Variants in MARK3 observed in about 807,000 individuals in gnomAD.
MARK3 encodes MAP/microtubule affinity-regulating kinase 3.
In MARK3, 46 loss-of-function variants were observed where a neutral mutation model predicts 90.1. That is an observed-to-expected ratio of 0.51 (90% CI 0.40 to 0.65). The LOEUF is 0.65. MARK3 is among the 30% of genes least tolerant of loss of function. MARK3 has a pLI of 0.00. For missense variants in MARK3, 818 were observed against 947.2 expected (o/e 0.86, Z 1.79); for synonymous variants, 321 against 332.6 (o/e 0.97, Z 0.38).
intron 2 of MARK3, among the ~76,000 whole-genome samples, chr14:103,420,682 A>AT (rs936613069): frequency 7.4e-4 from 112 of 152,234 alleles, no homozygotes; most frequent in Non-Finnish European, 1.3e-3. Flanking sequence ...GTTAATACTC[A>AT]TTTTTTTGTG....
intron 2 of MARK3, among the ~76,000 whole-genome samples, chr14:103,407,522 TATACTC>T (rs901863609): frequency 1.3e-5 from 2 of 150,302 alleles, no homozygotes; most frequent in Non-Finnish European, 3.0e-5. Flanking sequence ...CTCCTCTTGT[TATACTC>T]ATATGGTACA....
chr14:103,418,219 C>CTTTTTTTT (rs36012703), intron 2 of MARK3, among the ~76,000 whole-genome samples: 3 of 61,664 alleles, frequency 4.9e-5, no homozygotes, highest in African/African-American at 1.2e-4. Flanking sequence ...ATAGTAAAGG[C>CTTTTTTTT]TTTTTTTTTT....
At chr14:103,399,404 G>T (rs2090794076) in intron 1 of MARK3, among the ~76,000 whole-genome samples, 1 of 152,108 alleles carries the variant, frequency 6.6e-6, no homozygotes, top group Non-Finnish European at 1.5e-5. Flanking sequence ...TAGGGGGTTT[G>T]TTTTTCTCCA....
rs754613850 is a variant in MARK3, at chr14:103,405,124, C to T, written c.100C>T (p.Arg34Cys). Residue 34 changes from arginine to cysteine, a missense_variant, in exon 2 of 18, where the codon CGC becomes TGC. Around this residue, in one of 3 missense-constraint regions of MARK3, gnomAD observed 157 missense variants for 158.7 expected, o/e 0.99. Coordinates refer to ENST00000429436, the MANE Select transcript of MARK3 (RefSeq NM_001128918.3). The part of the protein sequence containing the change: ...GRQEVTSRTS[R>C]SGARCRNSIA... Reference sequence around the variant, plus strand: ...TCAAGAAGTTACCTCTCGTACCAGCCGCTCAGGAGCTCGGTGTAGAAACTC... The same window carrying T: ...TCAAGAAGTTACCTCTCGTACCAGCTGCTCAGGAGCTCGGTGTAGAAACTC... The T allele has an allele frequency of 7.4e-6, 12 of 1,613,878 alleles. No individual in the cohort carries two copies. The highest frequency in any genetic ancestry group is 2.2e-5 in the South Asian group (2 of 91,070).
At position 103,462,292 on chromosome 14, in the gene MARK3, G is replaced by A. The variant is rs887214452; in HGVS notation, c.484-113G>A. ...GAAAATTGTTTTTAGAAATCCACAC[G>A]GACATTCGAGCGTATACTGAGTATT... On this transcript the variant is annotated intron_variant, in intron 6 of 17. Coordinates refer to ENST00000429436, the MANE Select transcript of MARK3 (RefSeq NM_001128918.3). 7.0e-5 allele frequency: 46 copies of A among 655,818 alleles called. No homozygotes were observed. The East Asian group carries it at 1.2e-3, about 18-fold the overall frequency. 40.6% of individuals were successfully genotyped at this position (655,818 alleles called of 1,614,324 possible).
chr14:103,471,427 G>GA (rs1693701737), intron 12 of MARK3, among the ~76,000 whole-genome samples: 1 of 152,196 alleles, frequency 6.6e-6, no homozygotes, highest in Non-Finnish European at 1.5e-5. Flanking sequence ...TAGTAAATGA[G>GA]AAACACCTGG....
intron 1 of MARK3, among the ~76,000 whole-genome samples, chr14:103,393,840 A>G (rs1033667037): frequency 6.6e-5 from 10 of 151,602 alleles, no homozygotes; most frequent in South Asian, 4.2e-4. Context: ...GCTCACTGCA[A>G]CCTCCGCCTG....
chr14:103,458,427 T>G (rs1301367907), intron 6 of MARK3, among the ~76,000 whole-genome samples: 1 of 118,752 alleles, frequency 8.4e-6, no homozygotes, highest in African/African-American at 3.2e-5. Context: ...CCATTGCACT[T>G]CAGCCTGGGT....
intron 14 of MARK3, among the ~76,000 whole-genome samples, 167 bp downstream of exon 14, chr14:103,480,657 A>G (rs1239191798): frequency 2.0e-5 from 3 of 152,204 alleles, no homozygotes; most frequent in Non-Finnish European, 4.4e-5. Flanking sequence ...TAGAATTCTA[A>G]ATTCTTTTTG....
chr14:103,437,114 A>T (rs904161014), intron 3 of MARK3, among the ~76,000 whole-genome samples: 3 of 152,004 alleles, frequency 2.0e-5, no homozygotes, highest in African/African-American at 7.2e-5. Flanking sequence ...AATTGAGAAT[A>T]AAACTGTATA....
rs117078316 is a variant in MARK3 at position 103,479,020 on chromosome 14, C to T, written c.1483-1367C>T. 1.0e-3 allele frequency among the ~76,000 whole-genome samples: 157 copies of T among 152,128 alleles called. 5 individuals are homozygous for T. In the East Asian group the frequency reaches 0.026, roughly 25 times the overall value. On this transcript the variant is annotated intron_variant, in intron 13 of 17. Transcript: ENST00000429436. Reference sequence around the variant, plus strand: ...TATGTGGACTTAAATGTTTTAATTTCTTTCCTTCTTTCTTGGGGAGGAGAC... The same window carrying T: ...TATGTGGACTTAAATGTTTTAATTTTTTTCCTTCTTTCTTGGGGAGGAGAC...
chr14:103,491,977 C>T lies in MARK3; in HGVS notation c.1787C>T (p.Thr596Ile). 2 of 1,614,226 alleles carry T rather than the reference C, an allele frequency of 1.2e-6. No homozygotes were observed. Among genetic ancestry groups the T allele is most frequent in the Middle Eastern group, 1.6e-4 (1 of 6,062 alleles). Residue 596 changes from threonine (T) to isoleucine (I), a missense_variant, in exon 15 of 18, where the codon ACT becomes ATT. Physicochemically the swap from Thr to Ile is moderately conservative, Grantham distance 89. This residue lies in a region of MARK3 where 560 missense variants were observed against 613.5 expected (regional missense o/e 0.91). Transcript: ENST00000429436. Reference sequence around the variant, plus strand: ...CATGAAGCCACACCATTGTCCCAGACTCGAAGCCGAGGCTCCACTAATCTC... The same window carrying T: ...CATGAAGCCACACCATTGTCCCAGATTCGAAGCCGAGGCTCCACTAATCTC... The part of the protein sequence containing the change: ...LSHEATPLSQ[T>I]RSRGSTNLFS...
rs191083049 is a variant in MARK3, at chr14:103,404,929, A to G, written c.52-147A>G. On this transcript the variant is annotated intron_variant, in intron 1 of 17. Coordinates refer to ENST00000429436, the MANE Select transcript of MARK3 (RefSeq NM_001128918.3). ...GAATTTTTATTTTCCTCAAATTTAT[A>G]TTATGTGGTTAAATTCCTTTGAAGT... The G allele has an allele frequency of 5.5e-6, 3 of 547,864 alleles. No homozygotes were observed. The Admixed American group carries it at 1.1e-4, about 21-fold the overall frequency. 33.9% of individuals were successfully genotyped at this position (547,864 alleles called of 1,614,324 possible).
At chr14:103,483,783 C>T (rs976437560) in intron 14 of MARK3, among the ~76,000 whole-genome samples, 4 of 152,152 alleles carry the variant, frequency 2.6e-5, no homozygotes, top group Non-Finnish European at 4.4e-5. Context: ...AGATTCCAGG[C>T]GTGACTAATG....
intron 7 of MARK3, among the ~76,000 whole-genome samples, chr14:103,465,160 G>A (rs1360127709): frequency 6.6e-6 from 1 of 152,134 alleles, no homozygotes; most frequent in Non-Finnish European, 1.5e-5. Context: ...TAAAGACAGG[G>A]TATCACCATG....
At chr14:103,419,165 G>A (rs773007905) in intron 2 of MARK3, among the ~76,000 whole-genome samples, 12 of 152,064 alleles carry the variant, frequency 7.9e-5, no homozygotes, top group South Asian at 2.1e-4. Flanking sequence ...GGTGGCGGGC[G>A]CCTGTAGTCC....
chr14:103,418,219 CTT>C (rs36012703), intron 2 of MARK3, among the ~76,000 whole-genome samples: 15,291 of 61,470 alleles, frequency 0.25, 1,068 homozygotes, highest in Middle Eastern at 0.38. Context: ...ATAGTAAAGG[CTT>C]TTTTTTTTTT....
At position 103,449,084 on chromosome 14, in the gene MARK3, AGTT is replaced by A. The variant is rs549761750; in HGVS notation, c.346+122_346+124del. 4.6e-5 allele frequency: 53 copies of A among 1,147,652 alleles called. No homozygotes were observed. The South Asian group carries it at 7.1e-4, about 15-fold the overall frequency. The allele number at this position is 1,147,652 out of a possible 1,614,324, so 71.1% of individuals were successfully genotyped here. On this transcript the variant is annotated intron_variant, in intron 4 of 17. Coordinates refer to ENST00000429436, the MANE Select transcript of MARK3 (RefSeq NM_001128918.3). ...ACACTTCTAGTAAAATATATATACA[AGTT>A]GTTGATCATTTGTATTAGCTTTTTG...
chr14:103,466,167 T>G, intron 9 of MARK3, 76 bp downstream of exon 9: 1 of 1,540,962 alleles, frequency 6.5e-7, no homozygotes, highest in Non-Finnish European at 8.9e-7. Context: ...TTGATTTGTA[T>G]GCCATACTGG....
Sources: allele counts gnomAD v4.1 joint callset (sites outside exome capture counted in the v4.1 genomes callset), GRCh38; gene constraint gnomAD v4.1.1; regional missense constraint gnomAD v4.1.1; transcripts MANE v1.5; gene names NCBI Gene and HGNC (gene_info 2026-07-23, HGNC 2026-07-21).